The following MCC variants were observed in gnomAD, a reference collection of about 807,000 sequenced individuals.
MCC encodes colorectal mutant cancer protein.
MCC carries 90 observed loss-of-function variants against 116.2 expected under a neutral mutation model. The observed-to-expected ratio is 0.77, with a 90% CI of 0.65 to 0.92. The LOEUF (loss-of-function observed/expected upper bound fraction) is 0.92. Ranked by LOEUF, MCC falls within the 40% of genes least tolerant of loss-of-function variation. The pLI is 0.00. For synonymous variants in MCC, 578 were observed against 510.5 expected (o/e 1.13, Z -1.78); for missense variants, 1,516 against 1,312.2 (o/e 1.16, Z -2.40).
rs549159932 is a variant in MCC, at chr5:113,214,268, A to G, written c.628-62846T>C. On this transcript the variant is annotated intron_variant, in intron 3 of 18. Coordinates refer to ENST00000408903, the MANE Select transcript of MCC (RefSeq NM_001085377.2). ...AACGACGGAGCTGAGAAACAGCCCC[A>G]CTCAACCACCAGGCCACATCCCAGT... Among the ~76,000 whole-genome samples the G allele has an allele frequency of 3.3e-5, 5 of 152,238 alleles. No homozygotes were observed. The South Asian group carries it at 6.2e-4, about 19-fold the overall frequency.
intron 4 of MCC, among the ~76,000 whole-genome samples, chr5:113,144,546 C>T (rs920101139): frequency 6.6e-6 from 1 of 152,332 alleles, no homozygotes; most frequent in East Asian, 1.9e-4. Flanking sequence ...ATCAGCTAAG[C>T]TTCCAATGGC....
intron 2 of MCC, among the ~76,000 whole-genome samples, chr5:113,359,819 G>C (rs1458659021): frequency 0.016 from 1 of 62 alleles, no homozygotes; most frequent in Non-Finnish European, 0.036. Flanking sequence ...AGAATGTTTG[G>C]TCCTTTAGCC....
intron 3 of MCC, among the ~76,000 whole-genome samples, chr5:113,300,525 T>C (rs937950435): frequency 2.4e-4 from 37 of 152,300 alleles, no homozygotes; most frequent in Middle Eastern, 3.4e-3. Flanking sequence ...AAATAATTCT[T>C]AAATTGGTGG....
intron 16 of MCC, among the ~76,000 whole-genome samples, chr5:113,048,017 G>C (rs1199396520): frequency 6.6e-6 from 1 of 152,198 alleles, no homozygotes; most frequent in Non-Finnish European, 1.5e-5. Context: ...AAGGAGTCAA[G>C]GAGGAAATGC....
At chr5:113,229,710 T>C (rs367982204) in intron 3 of MCC, among the ~76,000 whole-genome samples, 5 of 152,352 alleles carry the variant, frequency 3.3e-5, no homozygotes, top group African/African-American at 1.2e-4. Flanking sequence ...ACATTTTTAC[T>C]ATACCTTTTC....
intron 1 of MCC, among the ~76,000 whole-genome samples, chr5:113,484,118 T>A (rs933118190): frequency 1.3e-5 from 2 of 151,914 alleles, no homozygotes; most frequent in Non-Finnish European, 2.9e-5. Flanking sequence ...CCATAACTAG[T>A]CGGCACTAGG....
Position 113,186,430 on chromosome 5 carries a change from C to T in MCC, c.628-35008G>A, listed in dbSNP as rs1416751437. 2.0e-5 allele frequency among the ~76,000 whole-genome samples: 3 copies of T among 152,088 alleles called. 1 individual carries two copies. Among genetic ancestry groups the T allele is most frequent in the Non-Finnish European group, 4.4e-5 (3 of 68,008 alleles). ...TTCCCAAGGCCCGCAGCAGCCATGG[C>T]GACAATGAACTAGAAATGCGGTCAG... On this transcript the variant is annotated intron_variant, in intron 3 of 18. Coordinates refer to ENST00000408903, the MANE Select transcript of MCC (RefSeq NM_001085377.2).
intron 3 of MCC, among the ~76,000 whole-genome samples, chr5:113,158,476 TC>T (rs1351011143): frequency 1.3e-5 from 2 of 152,196 alleles, no homozygotes; most frequent in Non-Finnish European, 2.9e-5. Flanking sequence ...CAGTGTCAAA[TC>T]CCAATGCCAA....
chr5:113,237,389 G>A (rs540445956), intron 3 of MCC, among the ~76,000 whole-genome samples: 33 of 152,166 alleles, frequency 2.2e-4, no homozygotes, highest in Non-Finnish European at 3.2e-4. Flanking sequence ...ATTGATATGC[G>A]GAAATAAATG....
chr5:113,488,241 G>T lies in MCC; in HGVS notation c.170+4C>A. The T allele has an allele frequency of 6.3e-7, 1 of 1,588,428 alleles. No individual in the cohort carries two copies. The highest frequency in any genetic ancestry group is 8.6e-7 in the Non-Finnish European group (1 of 1,168,474). On this transcript the variant is annotated splice_donor_region_variant and intron_variant, in intron 1 of 18. Coordinates refer to ENST00000408903, the MANE Select transcript of MCC (RefSeq NM_001085377.2). ...TGTCGGTTTCCTCGTACCTCCCCGC[G>T]TACCTGCTGATGTATCCGTCCCCGT...
chr5:113,178,092 C>G (rs1284127189), intron 3 of MCC, among the ~76,000 whole-genome samples: 1 of 152,182 alleles, frequency 6.6e-6, no homozygotes, highest in East Asian at 1.9e-4. Context: ...AATCAGAACA[C>G]ATGCAGGAAA....
At chr5:113,321,663 C>A (rs556091147) in intron 3 of MCC, among the ~76,000 whole-genome samples, 9 of 152,152 alleles carry the variant, frequency 5.9e-5, no homozygotes, top group Non-Finnish European at 1.2e-4. Context: ...AAAGCAAATG[C>A]TCCCTATTTC....
chr5:113,411,285 T>A (rs1473751909), intron 1 of MCC, among the ~76,000 whole-genome samples: 2 of 152,204 alleles, frequency 1.3e-5, no homozygotes, highest in Non-Finnish European at 2.9e-5. Flanking sequence ...CCTGCCTTTT[T>A]AATGATTGCC....
chr5:113,146,037 C>T (rs1264356960), intron 4 of MCC, among the ~76,000 whole-genome samples: 3 of 152,058 alleles, frequency 2.0e-5, no homozygotes, highest in Non-Finnish European at 4.4e-5. Context: ...GGAGAAGTAA[C>T]AAGAATATAT....
At chr5:113,328,538 G>A (rs911417048) in intron 3 of MCC, among the ~76,000 whole-genome samples, 2 of 152,086 alleles carry the variant, frequency 1.3e-5, no homozygotes, top group South Asian at 4.2e-4. Context: ...CAGCATTCTC[G>A]GCAATTAGGA....
Position 113,334,104 on chromosome 5 carries a change from C to G in MCC, c.627+6415G>C, listed in dbSNP as rs998488167. On this transcript the variant is annotated intron_variant, in intron 3 of 18. Coordinates refer to ENST00000408903, the MANE Select transcript of MCC (RefSeq NM_001085377.2). ...AAGTAGTATAGCTGACAGAATCTATCTAGACATTGCTATTTCATTCAGAAA... is the reference window on the plus strand; with the variant it reads ...AAGTAGTATAGCTGACAGAATCTATGTAGACATTGCTATTTCATTCAGAAA... Among the ~76,000 whole-genome samples, 5 of 147,592 alleles carry G rather than the reference C, an allele frequency of 3.4e-5. 1 individual carries two copies. Among genetic ancestry groups the G allele is most frequent in the African/African-American group, 1.3e-4 (5 of 39,704 alleles).
At chr5:113,467,546 T>G (rs1057075893) in intron 1 of MCC, among the ~76,000 whole-genome samples, 2 of 152,136 alleles carry the variant, frequency 1.3e-5, no homozygotes, top group African/African-American at 4.8e-5. Flanking sequence ...GGTCTATATC[T>G]CTGTTTTGGT....
chr5:113,248,124 C>A (rs1764644616), intron 3 of MCC, among the ~76,000 whole-genome samples: 2 of 151,814 alleles, frequency 1.3e-5, no homozygotes, highest in African/African-American at 4.8e-5. Flanking sequence ...CCTGGTTACT[C>A]CAGGCTGACG....
intron 11 of MCC, among the ~76,000 whole-genome samples, chr5:113,081,531 T>C (rs1337449533): frequency 6.6e-6 from 1 of 152,084 alleles, no homozygotes; most frequent in Admixed American, 6.5e-5. Context: ...CAGCCACAGA[T>C]CCAACTTGTT....
Sources: allele counts gnomAD v4.1 joint callset (sites outside exome capture counted in the v4.1 genomes callset), GRCh38; gene constraint gnomAD v4.1.1; transcripts MANE v1.5; gene names NCBI Gene and HGNC (gene_info 2026-07-23, HGNC 2026-07-21).